CLDN20: variants seen among roughly 807,000 people sequenced by gnomAD.
CLDN20 encodes the protein claudin-20.
For synonymous variants in CLDN20, 104 were observed against 103.6 expected, an observed-to-expected ratio of 1.00 and a Z score of -0.03; for missense variants, 258 against 267.9, an observed-to-expected ratio of 0.96 and a Z score of 0.26.
At chr6:155,274,822 C>A (rs760389111) in intron 1 of CLDN20, among the ~76,000 whole-genome samples, 3 of 152,182 alleles carry the variant, frequency 2.0e-5, no homozygotes, top group Non-Finnish European at 2.9e-5. Context: ...TTTATGAAAG[C>A]CACTTCCTAA....
At chr6:155,275,038 G>GA (rs767081838) in intron 1 of CLDN20, among the ~76,000 whole-genome samples, 10 of 151,382 alleles carry the variant, frequency 6.6e-5, no homozygotes, top group Non-Finnish European at 7.4e-5. Context: ...CTAACAGGGT[G>GA]AAACCCCATC....
At position 155,269,324 on chromosome 6, in the gene CLDN20, C is replaced by CTTTTTT. The variant is rs60162262; in HGVS notation, c.-105+5046_-105+5051dup. On this transcript the variant is annotated intron_variant, in intron 1 of 1. Coordinates refer to ENST00000367165, the MANE Select transcript of CLDN20 (RefSeq NM_001001346.3). ...GCTTAGTTTTCTTTTCTTTTCTTTT[C>CTTTTTT]TTTTTTTTTTTTTTTGAGATGGAGT... is the stretch of plus-strand genomic sequence containing the variant. Among the ~76,000 whole-genome samples the CTTTTTT allele has an allele frequency of 1.7e-4, 21 of 127,236 alleles. 1 individual carries two copies. The highest frequency in any genetic ancestry group is 2.4e-4 in the African/African-American group (8 of 33,588). The allele number at this position is 127,236 out of a possible 152,430, so 83.5% of individuals were successfully genotyped here.
chr6:155,268,224 C>T (rs1784752111), intron 1 of CLDN20, among the ~76,000 whole-genome samples: 1 of 152,148 alleles, frequency 6.6e-6, no homozygotes, highest in South Asian at 2.1e-4. Flanking sequence ...TCTTTAAATC[C>T]TCCACACCAT....
At chr6:155,264,894 T>G (rs1039319101) in intron 1 of CLDN20, among the ~76,000 whole-genome samples, 25 of 152,338 alleles carry the variant, frequency 1.6e-4, no homozygotes, top group Admixed American at 4.6e-4. Flanking sequence ...CAGTGTCTCT[T>G]GGTCCCAAGA....
At chr6:155,267,647 T>C (rs1784720418) in intron 1 of CLDN20, among the ~76,000 whole-genome samples, 1 of 152,196 alleles carries the variant, frequency 6.6e-6, no homozygotes, top group Admixed American at 6.5e-5. Context: ...AGCAGGCCAT[T>C]TCAGCAGCTA....
chr6:155,275,101 C>CTA (rs796517265), intron 1 of CLDN20, among the ~76,000 whole-genome samples: 30 of 151,960 alleles, frequency 2.0e-4, no homozygotes, highest in African/African-American at 6.7e-4. Context: ...TGGCGGGCGC[C>CTA]TGTAGTCCCA....
intron 1 of CLDN20, among the ~76,000 whole-genome samples, chr6:155,267,080 T>G (rs1052872641): frequency 8.0e-5 from 12 of 150,270 alleles, no homozygotes; most frequent in Non-Finnish European, 1.6e-4. Context: ...GTTCAAGCAA[T>G]TCTCGTGTCT....
In CLDN20 at chr6:155,276,064, C is replaced by T; in HGVS notation, c.345C>T (p.Ser115=). Reference sequence around the variant, plus strand: ...TAGGAGGGGACAGAGAAACCAAGAGCCATGCTTCCTTTGCTGGAGGAGTCT... The same window carrying T: ...TAGGAGGGGACAGAGAAACCAAGAGTCATGCTTCCTTTGCTGGAGGAGTCT... ...TRLGGDRETK[S]HASFAGGVCF... The change falls in exon 2 of 2, where the codon AGC becomes AGT. Residue 115 remains serine, a synonymous_variant. Coordinates refer to ENST00000367165, the MANE Select transcript of CLDN20 (RefSeq NM_001001346.3). 1 of 1,614,160 alleles carries T rather than the reference C, an allele frequency of 6.2e-7. No homozygotes were observed. The highest frequency in any genetic ancestry group is 8.5e-7 in the Non-Finnish European group (1 of 1,180,032).
chr6:155,273,200 T>C (rs958043126), intron 1 of CLDN20, among the ~76,000 whole-genome samples: 1 of 152,216 alleles, frequency 6.6e-6, no homozygotes, highest in African/African-American at 2.4e-5. Context: ...TTGTTCTATT[T>C]TGGTCTAAGT....
intron 1 of CLDN20, among the ~76,000 whole-genome samples, chr6:155,274,851 T>A (rs1329572998): frequency 6.6e-6 from 1 of 152,250 alleles, no homozygotes; most frequent in Non-Finnish European, 1.5e-5. Flanking sequence ...CTAAAATGTA[T>A]TTATAAACCA....
Position 155,275,749 on chromosome 6 carries a change from T to G in CLDN20, c.30T>G (p.Ala10=), listed in dbSNP as rs748024383. The change falls in exon 2 of 2, where the codon GCT becomes GCG. Residue 10 remains alanine (A), a synonymous_variant. Transcript: ENST00000367165. ...CCTCAGCAGGACTCCAGCTCCTTGC[T>G]TTCATCCTGGCCTTATCTGGGGTCT... MASAGLQLL[A]FILALSGVSG... 1 of 1,614,114 alleles carries G rather than the reference T, an allele frequency of 6.2e-7. No individual in the cohort carries two copies. The highest frequency in any genetic ancestry group is 1.7e-5 in the Admixed American group (1 of 60,022).
chr6:155,266,153 T>C (rs1784623838), intron 1 of CLDN20, among the ~76,000 whole-genome samples: 1 of 152,146 alleles, frequency 6.6e-6, no homozygotes, highest in Admixed American at 6.5e-5. Context: ...TATCCTTCAA[T>C]CCAATCAAGT....
chr6:155,274,119 TA>T (rs1220326653), intron 1 of CLDN20, among the ~76,000 whole-genome samples: 9 of 152,338 alleles, frequency 5.9e-5, no homozygotes, highest in African/African-American at 2.2e-4. Context: ...CAGAGAGGTA[TA>T]AAGCTAAGAA....
intron 1 of CLDN20, among the ~76,000 whole-genome samples, chr6:155,264,686 C>T (rs1328032401): frequency 6.6e-6 from 1 of 152,148 alleles, no homozygotes; most frequent in Non-Finnish European, 1.5e-5. Context: ...TAAACAGTCA[C>T]ATAGTGTTTC....
chr6:155,269,936 G>A (rs1784845895), intron 1 of CLDN20, among the ~76,000 whole-genome samples: 1 of 152,234 alleles, frequency 6.6e-6, no homozygotes, highest in Non-Finnish European at 1.5e-5. Context: ...TGGCACAGGA[G>A]AATCAGTGAT....
At chr6:155,275,062 C>CAA (rs748259610) in intron 1 of CLDN20, among the ~76,000 whole-genome samples, 13 of 133,448 alleles carry the variant, frequency 9.7e-5, no homozygotes, top group Admixed American at 8.2e-4. Context: ...ACTAAAAATA[C>CAA]AAAAAAAAAA....
intron 1 of CLDN20, among the ~76,000 whole-genome samples, chr6:155,265,710 TATATTTATATATA>T (rs1246511507): frequency 2.7e-5 from 4 of 146,004 alleles, no homozygotes; most frequent in Non-Finnish European, 6.0e-5. Flanking sequence ...AAATATTAAA[TATATTTATATATA>T]ATATAAATAT....
chr6:155,272,403 G>T (rs1054137689), intron 1 of CLDN20, among the ~76,000 whole-genome samples: 4 of 152,040 alleles, frequency 2.6e-5, no homozygotes, highest in Non-Finnish European at 5.9e-5. Context: ...AGGTGCCTGG[G>T]TTCTGTTCTG....
Position 155,276,061 on chromosome 6 carries a change from G to C in CLDN20, c.342G>C (p.Lys114Asn), listed in dbSNP as rs150441263. 1 of 1,614,028 alleles carries C rather than the reference G, an allele frequency of 6.2e-7. No homozygotes were observed. Among genetic ancestry groups the C allele is most frequent in the Non-Finnish European group, 8.5e-7 (1 of 1,180,030 alleles). ...CTRLGGDRET[K>N]SHASFAGGVC... ...GCTTAGGAGGGGACAGAGAAACCAA[G>C]AGCCATGCTTCCTTTGCTGGAGGAG... Residue 114 changes from lysine (K) to asparagine (N), a missense_variant, in exon 2 of 2, where the codon AAG (lysine) becomes AAC (asparagine). By Grantham distance (94) the Lys-to-Asn change is moderately conservative. Coordinates refer to ENST00000367165, the MANE Select transcript of CLDN20 (RefSeq NM_001001346.3).
Sources: gnomAD v4.1 joint callset for allele counts (sites outside exome capture counted in the v4.1 genomes callset) on GRCh38, gnomAD v4.1.1 for gene constraint, MANE v1.5 for transcripts, NCBI Gene and HGNC (gene_info 2026-07-23, HGNC 2026-07-21) for gene names.